Variants in WDR49 observed in about 807,000 individuals in gnomAD.
WDR49 encodes the protein WD repeat domain 49.
In WDR49, 107 loss-of-function variants were observed where a neutral mutation model predicts 119.5. The ratio of observed to expected loss-of-function variants is 0.90; its 90% CI spans 0.77 to 1.05. WDR49 has a LOEUF of 1.05. Ranked by LOEUF, WDR49 falls within the 50% of genes least tolerant of loss-of-function variation. WDR49 has a pLI of 0.00. For synonymous variants in WDR49, 425 were observed against 418.8 expected, an observed-to-expected ratio of 1.01 and a Z score of -0.18; for missense variants, 1,240 against 1,220.5, an observed-to-expected ratio of 1.02 and a Z score of -0.24.
At chr3:167,565,523 C>A (rs1478888544) in intron 8 of WDR49, among the ~76,000 whole-genome samples, 3 of 151,744 alleles carry the variant, frequency 2.0e-5, no homozygotes, top group African/African-American at 4.8e-5. Flanking sequence ...AAGAAGGAAG[C>A]AGAGGGCTTT....
At chr3:167,511,654 G>A (rs1371826771) in intron 16 of WDR49, among the ~76,000 whole-genome samples, 3 of 152,138 alleles carry the variant, frequency 2.0e-5, no homozygotes, top group Non-Finnish European at 2.9e-5. Flanking sequence ...GCAGATTCTT[G>A]GTGAACGCTT....
chr3:167,643,807 T>C (rs1387889586), intron 2 of WDR49, among the ~76,000 whole-genome samples: 1 of 152,070 alleles, frequency 6.6e-6, no homozygotes, highest in East Asian at 1.9e-4. Flanking sequence ...CTCTTCTATA[T>C]TGAGGAAGAG....
chr3:167,614,752 A>T (rs1293335681), intron 5 of WDR49, among the ~76,000 whole-genome samples: 1 of 152,230 alleles, frequency 6.6e-6, no homozygotes, highest in African/African-American at 2.4e-5. Context: ...CTTCAATAAA[A>T]ATTATTATCA....
intron 5 of WDR49, among the ~76,000 whole-genome samples, chr3:167,606,328 T>C (rs1247079016): frequency 1.3e-5 from 2 of 152,194 alleles, no homozygotes; most frequent in African/African-American, 4.8e-5. Flanking sequence ...CTTCTCACTA[T>C]ACTCATAAAG....
At chr3:167,589,718 T>C (rs894041493) in intron 7 of WDR49, among the ~76,000 whole-genome samples, 6 of 152,068 alleles carry the variant, frequency 3.9e-5, no homozygotes, top group African/African-American at 1.4e-4. Flanking sequence ...GATTATTTTC[T>C]TGATTTTCAG....
chr3:167,645,377 G>A (rs1345716260), intron 2 of WDR49, among the ~76,000 whole-genome samples: 2 of 151,610 alleles, frequency 1.3e-5, no homozygotes, highest in Non-Finnish European at 2.9e-5. Context: ...TGCCTGGCTA[G>A]TTTTCGTATT....
intron 10 of WDR49, among the ~76,000 whole-genome samples, chr3:167,549,378 A>T (rs968527863): frequency 8.6e-5 from 13 of 151,946 alleles, no homozygotes; most frequent in South Asian, 2.1e-4. Flanking sequence ...TTTTAACGAT[A>T]GCCATTCTAA....
At chr3:167,617,921 C>T (rs917691316) in intron 5 of WDR49, among the ~76,000 whole-genome samples, 1 of 150,846 alleles carries the variant, frequency 6.6e-6, no homozygotes, top group African/African-American at 2.5e-5. Flanking sequence ...ACCAAGTAAA[C>T]TTTTCCTAAA....
At chr3:167,601,406 T>C (rs1715762843) in intron 7 of WDR49, among the ~76,000 whole-genome samples, 1 of 152,192 alleles carries the variant, frequency 6.6e-6, no homozygotes, top group South Asian at 2.1e-4. Context: ...CAATACACTT[T>C]ATATGCACCC....
In WDR49 at chr3:167,600,403, T is replaced by G. The variant is rs528232782; in HGVS notation, c.1275+1724A>C. Among the ~76,000 whole-genome samples the G allele has an allele frequency of 2.2e-4, 33 of 152,280 alleles. No homozygotes were observed. The East Asian group carries it at 6.0e-3, about 28-fold the overall frequency. On this transcript the variant is annotated intron_variant, in intron 7 of 18. Transcript: ENST00000682715. ...AAAGGGAAGGGGTGGCATTGGTAAT[T>G]GGAGACTGTATTTCCTACCCTCTTT...
At chr3:167,564,896 C>T (rs1713501948) in intron 8 of WDR49, among the ~76,000 whole-genome samples, 1 of 151,244 alleles carries the variant, frequency 6.6e-6, no homozygotes, top group African/African-American at 2.4e-5. Flanking sequence ...ATTTCAAGTC[C>T]TGGGTCTAAG....
intron 15 of WDR49, among the ~76,000 whole-genome samples, chr3:167,523,570 C>T (rs1363531334): frequency 1.3e-5 from 2 of 152,010 alleles, no homozygotes; most frequent in African/African-American, 4.8e-5. Flanking sequence ...CAACAGTCCC[C>T]GGTGAGTGAT....
Position 167,576,192 on chromosome 3 carries a change from T to C in WDR49, c.1276-41A>G, listed in dbSNP as rs528960348. 6.2e-4 allele frequency: 971 copies of C among 1,565,926 alleles called. 21 individuals are homozygous for C. The South Asian group carries it at 0.011, about 17-fold the overall frequency. ...TAAAATCATTTCAATATGTCAAAGA[T>C]AATTGTAATCTTTTAGCCAATTTTT... On this transcript the variant is annotated intron_variant, in intron 7 of 18. Coordinates refer to ENST00000682715, the MANE Select transcript of WDR49 (RefSeq NM_001366157.1).
intron 10 of WDR49, among the ~76,000 whole-genome samples, chr3:167,542,174 G>C (rs1437388281): frequency 6.6e-6 from 1 of 152,058 alleles, no homozygotes; most frequent in African/African-American, 2.4e-5. Flanking sequence ...GAGATAGATG[G>C]CAACACAGTA....
chr3:167,624,808 C>A lies in WDR49; in HGVS notation c.606+2044G>T, dbSNP rs1354764522. Among the ~76,000 whole-genome samples the A allele has an allele frequency of 2.6e-5, 4 of 151,988 alleles. No homozygotes were observed. In the East Asian group the frequency reaches 7.7e-4, roughly 29 times the overall value. On this transcript the variant is annotated intron_variant, in intron 3 of 18. Transcript: ENST00000682715. The stretch of plus-strand genomic sequence containing the variant: ...TATAAAAAAATCATCTGGACTAGAA[C>A]TATCTTTTAATTCATACAAGTTAAA...
chr3:167,637,734 A>AGTTATTGTATTTTGCAGTTAT (rs2108337045), intron 2 of WDR49, among the ~76,000 whole-genome samples: 1 of 151,746 alleles, frequency 6.6e-6, no homozygotes, highest in Non-Finnish European at 1.5e-5. Context: ...GTATGTTCCT[A>AGTTATTGTATTTTGCAGTTAT]AGTATTTTAT....
chr3:167,549,700 A>C (rs1712432396), intron 10 of WDR49, among the ~76,000 whole-genome samples: 1 of 152,084 alleles, frequency 6.6e-6, no homozygotes, highest in Non-Finnish European at 1.5e-5. Context: ...TAGTTTAATT[A>C]GATCCCATTT....
At chr3:167,599,751 GTTTA>G (rs1187660300) in intron 7 of WDR49, among the ~76,000 whole-genome samples, 3 of 151,126 alleles carry the variant, frequency 2.0e-5, no homozygotes, top group Admixed American at 2.0e-4. Context: ...TATCTCTGCT[GTTTA>G]TTTAGAGCTC....
chr3:167,490,208 C>G (rs1445560166), intron 18 of WDR49, among the ~76,000 whole-genome samples: 1 of 152,082 alleles, frequency 6.6e-6, no homozygotes, highest in Non-Finnish European at 1.5e-5. Flanking sequence ...TCATATGACT[C>G]TCAAATAATG....
Sources: gnomAD v4.1 joint callset for allele counts (sites outside exome capture counted in the v4.1 genomes callset) on GRCh38, gnomAD v4.1.1 for gene constraint, MANE v1.5 for transcripts, NCBI Gene and HGNC (gene_info 2026-07-23, HGNC 2026-07-21) for gene names.